The following GABRB1 variants were observed in gnomAD, a reference collection of about 807,000 sequenced individuals.
GABRB1 encodes gamma-aminobutyric acid type A receptor subunit beta1.
GABRB1 carries 17 observed loss-of-function variants against 51.6 expected under a neutral mutation model. The observed-to-expected ratio is 0.33, with a 90% CI of 0.23 to 0.49. The LOEUF (loss-of-function observed/expected upper bound fraction) is 0.49, where lower values mean the gene tolerates loss of function less well. GABRB1 is among the 20% of genes least tolerant of loss of function. GABRB1 has a pLI of 0.99. For missense variants in GABRB1, 410 were observed against 600.6 expected (o/e 0.68, Z 3.32); for synonymous variants, 247 against 218.9 (o/e 1.13, Z -1.14).
At chr4:47,264,842 C>T (rs1722585184) in intron 4 of GABRB1, among the ~76,000 whole-genome samples, 1 of 152,196 alleles carries the variant, frequency 6.6e-6, no homozygotes, top group African/African-American at 2.4e-5. Context: ...CAAGCAACCA[C>T]TGATCTGCTT....
intron 5 of GABRB1, among the ~76,000 whole-genome samples, chr4:47,342,032 A>G (rs1337888613): frequency 6.6e-6 from 1 of 152,228 alleles, no homozygotes; most frequent in Non-Finnish European, 1.5e-5. Context: ...CATTGAGGTC[A>G]AACTCACACA....
intron 5 of GABRB1, among the ~76,000 whole-genome samples, chr4:47,394,530 A>T (rs745692170): frequency 4.6e-5 from 7 of 152,242 alleles, no homozygotes; most frequent in Non-Finnish European, 7.3e-5. Context: ...TTAGCAAAGG[A>T]TATTTAGATA....
intron 5 of GABRB1, among the ~76,000 whole-genome samples, chr4:47,365,108 A>G (rs10517184): frequency 0.53 from 80,354 of 152,034 alleles, 21,747 homozygotes; most frequent in African/African-American, 0.58. Context: ...CTGAAAACCT[A>G]TCCTCAGTTC....
chr4:47,175,645 A>G (rs2109762032), intron 4 of GABRB1, among the ~76,000 whole-genome samples: 1 of 152,344 alleles, frequency 6.6e-6, no homozygotes, highest in Middle Eastern at 3.4e-3. Context: ...GTTCTTCAAC[A>G]GCCCATGAGT....
intron 4 of GABRB1, among the ~76,000 whole-genome samples, chr4:47,293,124 T>C (rs1723815057): frequency 6.6e-6 from 1 of 152,086 alleles, no homozygotes; most frequent in Admixed American, 6.6e-5. Flanking sequence ...TTTGTTGTTG[T>C]TGTTGTTGTT....
intron 4 of GABRB1, among the ~76,000 whole-genome samples, chr4:47,229,057 C>T (rs532673195): frequency 6.6e-6 from 1 of 152,262 alleles, no homozygotes; most frequent in Non-Finnish European, 1.5e-5. Context: ...GAAACTAACA[C>T]TTATGTGAAA....
At chr4:47,329,261 AT>A (rs1725375153) in intron 5 of GABRB1, among the ~76,000 whole-genome samples, 1 of 152,022 alleles carries the variant, frequency 6.6e-6, no homozygotes. Context: ...TTAACGTGCT[AT>A]CATATAGCAG....
chr4:47,212,453 G>C (rs1251315495), intron 4 of GABRB1, among the ~76,000 whole-genome samples: 1 of 152,114 alleles, frequency 6.6e-6, no homozygotes, highest in Non-Finnish European at 1.5e-5. Flanking sequence ...GAGGCCTTTG[G>C]ATCACCTGCG....
chr4:47,325,894 A>G (rs1478653284), intron 5 of GABRB1, among the ~76,000 whole-genome samples: 1 of 152,198 alleles, frequency 6.6e-6, no homozygotes, highest in Admixed American at 6.5e-5. Context: ...AGCCCCCAAT[A>G]TAATGATATT....
At chr4:47,394,444 G>A (rs1468230991) in intron 5 of GABRB1, among the ~76,000 whole-genome samples, 1 of 143,626 alleles carries the variant, frequency 7.0e-6, no homozygotes, top group Non-Finnish European at 1.5e-5. Flanking sequence ...GCTCAGAAGA[G>A]GATAGTCATT....
At chr4:47,101,006 G>A (rs75498727) in intron 3 of GABRB1, among the ~76,000 whole-genome samples, 4,946 of 152,038 alleles carry the variant, frequency 0.033, 377 homozygotes, top group East Asian at 0.17. Flanking sequence ...CAAAAGTGAG[G>A]CTCGAAGGTT....
At chr4:47,296,169 G>A (rs572944056) in intron 4 of GABRB1, among the ~76,000 whole-genome samples, 211 of 152,288 alleles carry the variant, frequency 1.4e-3, no homozygotes, top group African/African-American at 4.9e-3. Context: ...AAATTGTAAA[G>A]ACCATCGAGG....
rs914798344 is a variant in GABRB1 at position 47,053,680 on chromosome 4, A to T, written c.240+21196A>T. On this transcript the variant is annotated intron_variant, in intron 3 of 8. Coordinates refer to ENST00000295454, the MANE Select transcript of GABRB1 (RefSeq NM_000812.4). The stretch of plus-strand genomic sequence containing the variant: ...CTGTCACTGGAAAGAAGGTGTGACC[A>T]TGGGTGACAAAGTCCTTTTCAACTA... 1.4e-4 allele frequency among the ~76,000 whole-genome samples: 22 copies of T among 152,194 alleles called. 1 individual carries two copies. Among genetic ancestry groups the T allele is most frequent in the Non-Finnish European group, 2.9e-4 (20 of 68,010 alleles).
chr4:47,419,308 G>A (rs10155404), intron 8 of GABRB1, among the ~76,000 whole-genome samples: 74,192 of 152,032 alleles, frequency 0.49, 20,480 homozygotes, highest in African/African-American at 0.76. Context: ...TTATGAAGTA[G>A]AATTCCAGGA....
At chr4:47,375,660 A>G (rs1727351192) in intron 5 of GABRB1, among the ~76,000 whole-genome samples, 1 of 152,180 alleles carries the variant, frequency 6.6e-6, no homozygotes, top group Non-Finnish European at 1.5e-5. Context: ...AAGGGAAAAG[A>G]GCATGGAGAT....
intron 4 of GABRB1, among the ~76,000 whole-genome samples, chr4:47,233,335 A>G (rs183659503): frequency 7.2e-5 from 11 of 152,316 alleles, no homozygotes; most frequent in African/African-American, 2.6e-4. Context: ...ATACACTTTC[A>G]TTAATTTTGG....
intron 3 of GABRB1, among the ~76,000 whole-genome samples, chr4:47,054,661 A>G (rs947599422): frequency 4.0e-5 from 6 of 151,694 alleles, no homozygotes; most frequent in African/African-American, 1.5e-4. Flanking sequence ...GGCTCACTGC[A>G]ATCTCCACCT....
At chr4:47,252,208 C>T (rs1042419945) in intron 4 of GABRB1, among the ~76,000 whole-genome samples, 6 of 151,822 alleles carry the variant, frequency 4.0e-5, no homozygotes, top group African/African-American at 1.5e-4. Flanking sequence ...GCTTCCTCTA[C>T]CCCTGTATTT....
chr4:47,253,446 A>G (rs1722069067), intron 4 of GABRB1, among the ~76,000 whole-genome samples: 2 of 152,224 alleles, frequency 1.3e-5, no homozygotes, highest in South Asian at 4.1e-4. Context: ...ATATCACTGC[A>G]GAGTAACTAT....
Sources: gnomAD v4.1 joint callset for allele counts (sites outside exome capture counted in the v4.1 genomes callset) on GRCh38, gnomAD v4.1.1 for gene constraint, MANE v1.5 for transcripts, NCBI Gene and HGNC (gene_info 2026-07-23, HGNC 2026-07-21) for gene names.